NEK1: variants seen among roughly 807,000 people sequenced by gnomAD.
The protein encoded by NEK1 is NIMA related kinase 1, also known as serine/threonine-protein kinase Nek1.
A neutral mutation model predicts 182.1 loss-of-function variants in NEK1; 137 were observed. That is an observed-to-expected ratio of 0.75 (90% confidence interval 0.65 to 0.87). NEK1 has a LOEUF of 0.87. NEK1 is among the 40% of genes least tolerant of loss of function. The pLI is 0.00. For synonymous variants in NEK1, 513 were observed against 492.2 expected, an observed-to-expected ratio of 1.04 and a Z score of -0.56; for missense variants, 1,391 against 1,494.4, an observed-to-expected ratio of 0.93 and a Z score of 1.14.
intron 5 of NEK1, 70 bp downstream of exon 5, chr4:169,599,030 C>T (rs1770034550): frequency 8.7e-7 from 1 of 1,144,538 alleles, no homozygotes; most frequent in Non-Finnish European, 1.3e-6. Context: ...AAAACAAATA[C>T]ACACATAAAC....
In NEK1 at chr4:169,438,206, C is replaced by CT. The variant is rs760894879; in HGVS notation, c.2640dup (p.Val881SerfsTer7). The CT allele has an allele frequency of 5.7e-6, 9 of 1,577,820 alleles. No homozygotes were observed. Among genetic ancestry groups the CT allele is most frequent in the East Asian group, 2.3e-5 (1 of 43,844 alleles). ...TTTATTTCATGTGAAATACATTGTA[C>CT]TTTTTTTTCTCCAGTAATTAAGGGT... is the stretch of plus-strand genomic sequence containing the variant. On this transcript the variant is annotated frameshift_variant, in exon 28 of 36. Transcript: ENST00000507142. LOFTEE classifies it high-confidence loss of function.
intron 18 of NEK1, among the ~76,000 whole-genome samples, chr4:169,551,381 G>C (rs1761403505): frequency 6.6e-6 from 1 of 151,982 alleles, no homozygotes. Flanking sequence ...GCCCTTACAA[G>C]ATTATATTTC....
At chr4:169,423,890 C>T (rs1337012030) in intron 31 of NEK1, among the ~76,000 whole-genome samples, 1 of 152,010 alleles carries the variant, frequency 6.6e-6, no homozygotes, top group Non-Finnish European at 1.5e-5. Flanking sequence ...CTATTTTCAT[C>T]ACAGTATTGT....
At chr4:169,583,272 A>C (rs1766979115) in intron 10 of NEK1, among the ~76,000 whole-genome samples, 1 of 151,776 alleles carries the variant, frequency 6.6e-6, no homozygotes, top group African/African-American at 2.4e-5. Flanking sequence ...ATCTCAAAAA[A>C]AAAAAAAAAA....
intron 12 of NEK1, among the ~76,000 whole-genome samples, chr4:169,570,671 G>C (rs1380691549): frequency 1.3e-5 from 2 of 152,346 alleles, no homozygotes; most frequent in African/African-American, 2.4e-5. Flanking sequence ...CCCCATCTGG[G>C]AGGTGTGCCC....
chr4:169,457,097 G>A (rs1398817889), intron 27 of NEK1, among the ~76,000 whole-genome samples: 1 of 152,086 alleles, frequency 6.6e-6, no homozygotes, highest in Non-Finnish European at 1.5e-5. Context: ...GATGGTTAAT[G>A]AGTACAAAAA....
chr4:169,542,822 CT>C (rs1301156072), intron 18 of NEK1, among the ~76,000 whole-genome samples: 1 of 151,800 alleles, frequency 6.6e-6, no homozygotes, highest in Non-Finnish European at 1.5e-5. Flanking sequence ...TGTTCATATC[CT>C]TTGCCCGCTT....
At chr4:169,500,803 A>G (rs1752291564) in intron 23 of NEK1, among the ~76,000 whole-genome samples, 1 of 152,246 alleles carries the variant, frequency 6.6e-6, no homozygotes, top group Non-Finnish European at 1.5e-5. Context: ...TTGCTGCCAC[A>G]AAAGTACATG....
At chr4:169,468,830 T>C (rs1269540778) in intron 26 of NEK1, among the ~76,000 whole-genome samples, 1 of 152,152 alleles carries the variant, frequency 6.6e-6, no homozygotes, top group Non-Finnish European at 1.5e-5. Flanking sequence ...TTCGACTTCT[T>C]CCTAGTTTAG....
At chr4:169,489,187 A>G (rs926544372) in intron 23 of NEK1, among the ~76,000 whole-genome samples, 3 of 152,110 alleles carry the variant, frequency 2.0e-5, no homozygotes, top group African/African-American at 4.8e-5. Context: ...GTTACTATTC[A>G]CCAGGTACCA....
intron 6 of NEK1, 113 bp from the exon 7 acceptor site, chr4:169,589,627 G>T: frequency 1.6e-6 from 1 of 641,308 alleles, no homozygotes; most frequent in Non-Finnish European, 2.7e-6. Flanking sequence ...TAGAGTAACT[G>T]GATATTCACA....
intron 7 of NEK1, 84 bp from the exon 8 acceptor site, chr4:169,588,819 C>T: frequency 1.2e-6 from 1 of 812,560 alleles, no homozygotes; most frequent in South Asian, 1.5e-5. Context: ...CAGCAGATCG[C>T]ATATATGATG....
At chr4:169,409,843 T>C (rs1418327786) in intron 31 of NEK1, among the ~76,000 whole-genome samples, 1 of 152,208 alleles carries the variant, frequency 6.6e-6, no homozygotes, top group East Asian at 1.9e-4. Context: ...GTGGCTTTAA[T>C]ATGCATTTCC....
At chr4:169,457,852 C>A (rs1579823758) in intron 27 of NEK1, among the ~76,000 whole-genome samples, 1 of 151,556 alleles carries the variant, frequency 6.6e-6, no homozygotes, top group South Asian at 2.1e-4. Flanking sequence ...GAAAAAAAGA[C>A]CGGAAGCTAC....
intron 27 of NEK1, among the ~76,000 whole-genome samples, chr4:169,447,271 T>C (rs1740754464): frequency 6.6e-6 from 1 of 151,960 alleles, no homozygotes; most frequent in Admixed American, 6.6e-5. Context: ...TTTAAAGTAC[T>C]GAAGGAAAAA....
intron 6 of NEK1, 41 bp from the exon 7 acceptor site, chr4:169,589,555 T>C (rs1164211128): frequency 8.4e-7 from 1 of 1,193,606 alleles, no homozygotes; most frequent in African/African-American, 1.6e-5. Context: ...GAAATATTGT[T>C]ACAGTCCAGT....
chr4:169,514,112 A>C (rs1754683896), intron 19 of NEK1, among the ~76,000 whole-genome samples: 1 of 151,884 alleles, frequency 6.6e-6, no homozygotes, highest in African/African-American at 2.4e-5. Flanking sequence ...GAGCCTCCTG[A>C]GTAGCTGGGA....
chr4:169,425,442 G>GAA (rs35489092), intron 30 of NEK1, among the ~76,000 whole-genome samples: 7,751 of 100,586 alleles, frequency 0.077, 722 homozygotes, highest in African/African-American at 0.22. Context: ...CAAACAAAAT[G>GAA]AAAAAAAAAA....
At chr4:169,414,364 C>A (rs1379135446) in intron 31 of NEK1, among the ~76,000 whole-genome samples, 1 of 151,784 alleles carries the variant, frequency 6.6e-6, no homozygotes, top group African/African-American at 2.4e-5. Flanking sequence ...AAGAAGTAAA[C>A]CTCATATTAG....
Sources: gnomAD v4.1 joint callset for allele counts (sites outside exome capture counted in the v4.1 genomes callset) on GRCh38, gnomAD v4.1.1 for gene constraint, MANE v1.5 for transcripts, NCBI Gene and HGNC (gene_info 2026-07-23, HGNC 2026-07-21) for gene names.